The following UGT1A6 variants were observed in gnomAD, a reference collection of about 807,000 sequenced individuals.
The protein encoded by UGT1A6 is UDP-glucuronosyltransferase 1A6.
UGT1A6 carries 32 observed loss-of-function variants against 44.4 expected under a neutral mutation model. The ratio of observed to expected loss-of-function variants is 0.72; its 90% CI spans 0.54 to 0.97. The LOEUF is 0.97. Ranked by LOEUF, UGT1A6 falls within the 50% of genes least tolerant of loss-of-function variation. The pLI is 0.00. For synonymous variants in UGT1A6, 238 were observed against 248.5 expected, an observed-to-expected ratio of 0.96 and a Z score of 0.40; for missense variants, 685 against 661.9, an observed-to-expected ratio of 1.03 and a Z score of -0.38.
intron 1 of UGT1A6, among the ~76,000 whole-genome samples, chr2:233,759,016 T>G (rs1226235816): frequency 6.6e-6 from 1 of 152,208 alleles, no homozygotes; most frequent in Non-Finnish European, 1.5e-5. Context: ...TTAATTGAAT[T>G]TGCTTATCTA....
Position 233,769,821 on chromosome 2 carries a change from C to A in UGT1A6, c.1301+1382C>A. The A allele has an allele frequency of 5.1e-6, 4 of 785,016 alleles. No individual in the cohort carries two copies. The highest frequency in any genetic ancestry group is 7.3e-6 in the Non-Finnish European group (4 of 547,448). 48.6% of individuals were successfully genotyped at this position (785,016 alleles called of 1,614,324 possible). A position where few individuals can be genotyped will look rare whatever the true frequency, so the allele number is the denominator to read the frequency against. On this transcript the variant is annotated intron_variant, in intron 4 of 4. Coordinates refer to ENST00000305139, the MANE Select transcript of UGT1A6 (RefSeq NM_001072.4). The surrounding 1 kb of genome is among the most constrained non-coding windows in gnomAD (Gnocchi z 4.4). ...TATGAGCCGTGATCATGCCACTGCA[C>A]TCCAGCAACCTGGGCAACAGAGTGA...
chr2:233,757,541 T>TATACATATACATATAC (rs1229454769), intron 1 of UGT1A6, among the ~76,000 whole-genome samples: 1 of 117,592 alleles, frequency 8.5e-6, no homozygotes, highest in Admixed American at 8.1e-5. Context: ...AAGGAATATA[T>TATACATATACATATAC]ATATATATAT....
chr2:233,769,535 A>C lies in UGT1A6; in HGVS notation c.1301+1096A>C, dbSNP rs573901660. 3.1e-6 allele frequency: 5 copies of C among 1,612,920 alleles called. No homozygotes were observed. The highest frequency in any genetic ancestry group is 1.7e-5 in the Admixed American group (1 of 60,014). ...TCCCATGGTTACCTCCTTTAGAAAG[A>C]AGCAGCAGTCAGGAAGACAGATGTG... On this transcript the variant is annotated intron_variant, in intron 4 of 4. Coordinates refer to ENST00000305139, the MANE Select transcript of UGT1A6 (RefSeq NM_001072.4). The surrounding 1 kb of genome is among the most constrained non-coding windows in gnomAD (Gnocchi z 4.4).
intron 1 of UGT1A6, chr2:233,719,088 G>A (rs2076724106): frequency 6.2e-7 from 1 of 1,614,250 alleles, no homozygotes; most frequent in South Asian, 1.1e-5. Flanking sequence ...GAAGGAATTT[G>A]ATCGCGTTAC....
intron 1 of UGT1A6, among the ~76,000 whole-genome samples, chr2:233,731,109 T>G (rs1417583719): frequency 6.6e-6 from 1 of 152,194 alleles, no homozygotes; most frequent in Non-Finnish European, 1.5e-5. Flanking sequence ...TTTTTATAAA[T>G]GTAGGTATTA....
intron 1 of UGT1A6, among the ~76,000 whole-genome samples, chr2:233,745,157 A>T (rs1409881340): frequency 6.6e-6 from 1 of 151,846 alleles, no homozygotes; most frequent in Non-Finnish European, 1.5e-5. Context: ...TGGAGGGTCA[A>T]ATGTGCATGT....
intron 1 of UGT1A6, among the ~76,000 whole-genome samples, chr2:233,724,428 T>C (rs2077257386): frequency 7.8e-6 from 1 of 128,780 alleles, no homozygotes; most frequent in African/African-American, 3.1e-5. Flanking sequence ...GCGGAGAGGC[T>C]CCTCACTTCT....
In UGT1A6 at chr2:233,724,385, C is replaced by T. The variant is rs1406263837; in HGVS notation, c.861+30520C>T. ...GGACGGGGTGGCTGCCGGGCGGAGA[C>T]GCTCCTCACTTCCCAGATGGGGTGG... is the stretch of plus-strand genomic sequence containing the variant. On this transcript the variant is annotated intron_variant, in intron 1 of 4. Coordinates refer to ENST00000305139, the MANE Select transcript of UGT1A6 (RefSeq NM_001072.4). Among the ~76,000 whole-genome samples the T allele has an allele frequency of 2.7e-3, 360 of 130,940 alleles. 4 individuals are homozygous for T. Among genetic ancestry groups the T allele is most frequent in the African/African-American group, 9.9e-3 (334 of 33,572 alleles). 85.9% of individuals were successfully genotyped at this position (130,940 alleles called of 152,430 possible).
intron 1 of UGT1A6, among the ~76,000 whole-genome samples, chr2:233,712,244 G>T (rs184398589): frequency 2.0e-5 from 3 of 152,178 alleles, no homozygotes; most frequent in African/African-American, 7.2e-5. Context: ...TCTTTGCTAG[G>T]GTTGTCTTGC....
intron 1 of UGT1A6, among the ~76,000 whole-genome samples, chr2:233,726,606 T>C (rs1453810186): frequency 1.3e-5 from 2 of 152,194 alleles, no homozygotes; most frequent in Admixed American, 6.5e-5. Flanking sequence ...GTGATTACAC[T>C]GTCCTGCCCA....
Position 233,767,857 on chromosome 2 carries a change from G to T in UGT1A6, c.1002G>T (p.Trp334Cys). 6.2e-7 allele frequency: 1 copy of T among 1,614,112 alleles called. No individual in the cohort carries two copies. Among genetic ancestry groups the T allele is most frequent in the South Asian group, 1.1e-5 (1 of 91,072 alleles). The change falls in exon 3 of 5, where the codon TGG becomes TGT. Residue 334 changes from tryptophan to cysteine, a missense_variant. By Grantham distance (215) the Trp-to-Cys change is radical (BLOSUM62 -2). Transcript: ENST00000305139. ...CTTTTTGCCCCTCCCAGGTCCTGTG[G>T]CGGTACACTGGAACCCGACCATCGA... is the stretch of plus-strand genomic sequence containing the variant. The part of the protein sequence containing the change: ...ALGKIPQTVL[W>C]RYTGTRPSNL...
intron 1 of UGT1A6, chr2:233,743,003 T>C (rs1559386473): frequency 4.2e-6 from 1 of 238,432 alleles, no homozygotes; most frequent in Non-Finnish European, 8.3e-6. Context: ...TGCATACAGA[T>C]ATTTTACAAC....
chr2:233,712,795 G>A (rs551571775), intron 1 of UGT1A6, among the ~76,000 whole-genome samples: 4 of 152,284 alleles, frequency 2.6e-5, no homozygotes, highest in South Asian at 2.1e-4. Context: ...AGGAGTGATC[G>A]GTCTTTCCCA....
Position 233,693,465 on chromosome 2 carries a change from C to G in UGT1A6, c.461C>G (p.Pro154Arg), listed in dbSNP as rs139410055. The G allele has an allele frequency of 3.7e-6, 6 of 1,613,952 alleles. No homozygotes were observed. The African/African-American group carries it at 6.7e-5, about 18-fold the overall frequency. The stretch of plus-strand genomic sequence containing the variant: ...GCTCTTTTCACAGACCCAGCCTTAC[C>G]CTGTGGGGTGATCCTGGCTGAGTAT... ...FDALFTDPAL[P>R]CGVILAEYLG... The change falls in exon 1 of 5, where the codon CCC becomes CGC. Residue 154 changes from proline (P) to arginine (R), a missense_variant. Coordinates refer to ENST00000305139, the MANE Select transcript of UGT1A6 (RefSeq NM_001072.4).
chr2:233,742,531 TTTTG>T (rs1252535514), intron 1 of UGT1A6, among the ~76,000 whole-genome samples: 4 of 151,838 alleles, frequency 2.6e-5, no homozygotes, highest in African/African-American at 9.7e-5. Context: ...GCTGCAGAGA[TTTTG>T]TTTATGGCCA....
chr2:233,694,362 G>T (rs907491363), intron 1 of UGT1A6, among the ~76,000 whole-genome samples: 4 of 151,882 alleles, frequency 2.6e-5, no homozygotes, highest in Non-Finnish European at 5.9e-5. Context: ...GCTAAGAATG[G>T]TTTTTGTAGT....
At chr2:233,746,220 C>T (rs753695127) in intron 1 of UGT1A6, among the ~76,000 whole-genome samples, 8 of 151,652 alleles carry the variant, frequency 5.3e-5, no homozygotes, top group African/African-American at 2.0e-4. Context: ...ATAGCAAGGA[C>T]AGATATGCAA....
intron 1 of UGT1A6, chr2:233,729,054 A>G (rs1209768756): frequency 1.2e-6 from 2 of 1,609,876 alleles, no homozygotes; most frequent in Admixed American, 3.3e-5. Context: ...TGACAAGGTA[A>G]TTAAGATGAA....
At chr2:233,743,090 T>C in intron 1 of UGT1A6, 1 of 347,048 alleles carries the variant, frequency 2.9e-6, no homozygotes, top group South Asian at 2.3e-5. Context: ...TGTTTATAAA[T>C]TCTTGGGTAC....
Sources: gnomAD v4.1 joint callset for allele counts (sites outside exome capture counted in the v4.1 genomes callset) on GRCh38, gnomAD v4.1.1 for gene constraint, Gnocchi (gnomAD v3.1) non-coding constraint, MANE v1.5 for transcripts, NCBI Gene and HGNC (gene_info 2026-07-23, HGNC 2026-07-21) for gene names.